CYBC1: variants seen among roughly 807,000 people sequenced by gnomAD.
CYBC1 encodes the protein cytochrome b-245 chaperone 1.
A neutral mutation model predicts 21.7 loss-of-function variants in CYBC1; 22 were observed. The observed-to-expected ratio is 1.02, with a 90% CI of 0.73 to 1.45. The LOEUF is 1.45. Ranked by LOEUF, CYBC1 falls within the 40% of genes most tolerant of loss-of-function variation. CYBC1 has a pLI of 0.00. For synonymous variants in CYBC1, 112 were observed against 98.7 expected (o/e 1.13, Z -0.80); for missense variants, 237 against 242.1 (o/e 0.98, Z 0.14).
chr17:82,446,547 C>T (rs2143723078), intron 4 of CYBC1, 76 bp downstream of exon 4: 1 of 1,458,874 alleles, frequency 6.9e-7, no homozygotes. Context: ...GCCCTTCCTC[C>T]TCCTTTCATT....
At position 82,449,360 on chromosome 17, in the gene CYBC1, C is replaced by T. The variant is rs562977049; in HGVS notation, c.-38-68G>A. The T allele has an allele frequency of 6.0e-4, 479 of 803,960 alleles. 1 individual carries two copies. Among genetic ancestry groups the T allele is most frequent in the Non-Finnish European group, 6.6e-4 (365 of 550,972 alleles). 49.8% of individuals were successfully genotyped at this position (803,960 alleles called of 1,614,324 possible). A position where few individuals can be genotyped will look rare whatever the true frequency, so the allele number is the denominator to read the frequency against. Reference sequence around the variant, plus strand: ...AGGCAGGCGCCCACGCCATCAGGCCCAGTCTGGAGGCCAAGAGCAGGTCCC... The same window carrying T: ...AGGCAGGCGCCCACGCCATCAGGCCTAGTCTGGAGGCCAAGAGCAGGTCCC... On this transcript the variant is annotated intron_variant, in intron 1 of 6. Coordinates refer to ENST00000306645, the MANE Select transcript of CYBC1 (RefSeq NM_001033046.4).
intron 3 of CYBC1, 96 bp downstream of exon 3, chr17:82,447,483 GC>G: frequency 1.1e-6 from 1 of 873,666 alleles, no homozygotes; most frequent in South Asian, 1.4e-5. Context: ...CCTAAAGGCC[GC>G]CCCATGGACA....
At chr17:82,445,207 C>T (rs947265103) in intron 5 of CYBC1, 23 of 154,220 alleles carry the variant, frequency 1.5e-4, no homozygotes, top group African/African-American at 4.6e-4. Context: ...CCCTCTGGGG[C>T]TATGCATGGG....
Position 82,449,308 on chromosome 17 carries a change from G to T in CYBC1, c.-38-16C>A. The T allele has an allele frequency of 7.0e-7, 1 of 1,426,640 alleles. No homozygotes were observed. Among genetic ancestry groups the T allele is most frequent in the Non-Finnish European group, 9.4e-7 (1 of 1,067,106 alleles). The allele number at this position is 1,426,640 out of a possible 1,614,324, so 88.4% of individuals were successfully genotyped here. A position where few individuals can be genotyped will look rare whatever the true frequency, so the allele number is the denominator to read the frequency against. On this transcript the variant is annotated splice_polypyrimidine_tract_variant and intron_variant, in intron 1 of 6. Transcript: ENST00000306645. Reference sequence around the variant, plus strand: ...GAGGAGGGGTCTGGGAACAGACAGAGGCAGCTGAGCCCTTGGGCCTGCACA... The same window carrying T: ...GAGGAGGGGTCTGGGAACAGACAGATGCAGCTGAGCCCTTGGGCCTGCACA...
At position 82,450,684 on chromosome 17, in the gene CYBC1, C is replaced by G. The variant is rs993407588; in HGVS notation, c.-39+16G>C. 2.6e-5 allele frequency: 4 copies of G among 152,326 alleles called. No homozygotes were observed. The highest frequency in any genetic ancestry group is 5.9e-5 in the Non-Finnish European group (4 of 68,152). The allele number at this position is 152,326 out of a possible 1,614,324, so 9.4% of individuals were successfully genotyped here. A position where few individuals can be genotyped will look rare whatever the true frequency, so the allele number is the denominator to read the frequency against. The stretch of plus-strand genomic sequence containing the variant: ...GCGGGAAGGAAGTGCGGAGCCCACC[C>G]AGCCCAGCCGCCTACCGAGAGCACA... On this transcript the variant is annotated intron_variant, in intron 1 of 6. Transcript: ENST00000306645.
chr17:82,447,562 G>A lies in CYBC1; in HGVS notation c.127+18C>T. 1 of 1,577,384 alleles carries A rather than the reference G, an allele frequency of 6.3e-7. No individual in the cohort carries two copies. Among genetic ancestry groups the A allele is most frequent in the Non-Finnish European group, 8.6e-7 (1 of 1,156,478 alleles). ...CAGCTGAGACAGTCATGGGGGGGTG[G>A]GGCGGGGGGTGCTTTACCTCCGCTG... On this transcript the variant is annotated intron_variant, in intron 3 of 6. Transcript: ENST00000306645.
chr17:82,450,500 CG>C (rs1318871698), intron 1 of CYBC1, 199 bp downstream of exon 1: 1 of 152,172 alleles, frequency 6.6e-6, no homozygotes, highest in Non-Finnish European at 1.5e-5. Context: ...TTTCTTTGTC[CG>C]GATCGGGGGC....
chr17:82,444,228 T>A, intron 6 of CYBC1, 104 bp from the exon 7 acceptor site: 1 of 1,509,506 alleles, frequency 6.6e-7, no homozygotes, highest in Non-Finnish European at 8.9e-7. Flanking sequence ...CCGCAGACCC[T>A]GGAGCTCCCA....
intron 2 of CYBC1, 125 bp downstream of exon 2, chr17:82,449,045 A>T: frequency 2.6e-6 from 2 of 777,928 alleles, no homozygotes; most frequent in South Asian, 3.5e-5. Context: ...GGATACAAAG[A>T]AACAAAATAG....
chr17:82,446,479 C>T (rs1483514093), intron 4 of CYBC1, 144 bp downstream of exon 4: 10 of 731,800 alleles, frequency 1.4e-5, no homozygotes, highest in African/African-American at 3.5e-5. Context: ...TCCTGATGAA[C>T]GGAGACCTCC....
chr17:82,447,040 CA>C, intron 3 of CYBC1: 5 of 395,758 alleles, frequency 1.3e-5, no homozygotes, highest in South Asian at 5.8e-5. Flanking sequence ...TTTGATGACC[CA>C]AAAACACAGA....
intron 2 of CYBC1, 43 bp downstream of exon 2, chr17:82,449,126 GC>G (rs2054451381): frequency 7.1e-7 from 1 of 1,412,390 alleles, no homozygotes; most frequent in Non-Finnish European, 9.6e-7. Flanking sequence ...TGAAAGTCAG[GC>G]TTCCGGTTCT....
Position 82,449,246 on chromosome 17 carries a change from C to T in CYBC1, c.9G>A (p.Leu3=). 6 of 1,569,992 alleles carry T rather than the reference C, an allele frequency of 3.8e-6. No homozygotes were observed. The highest frequency in any genetic ancestry group is 5.2e-6 in the Non-Finnish European group (6 of 1,158,618). The stretch of plus-strand genomic sequence containing the variant: ...GGGAGCTGGTGCGGGTCTCCACCTG[C>T]AGGTACATCCCGAGAGGGCAGCACC... The part of the protein sequence containing the change: MY[L]QVETRTSSRL... The change falls in exon 2 of 7, where the codon CTG becomes CTA. Residue 3 remains leucine (L), a synonymous_variant. Coordinates refer to ENST00000306645, the MANE Select transcript of CYBC1 (RefSeq NM_001033046.4).
At chr17:82,446,759 C>T (rs2054318693) in intron 3 of CYBC1, 63 bp from the exon 4 acceptor site, 1 of 1,506,800 alleles carries the variant, frequency 6.6e-7, no homozygotes, top group Non-Finnish European at 9.2e-7. Flanking sequence ...GAGGCCCCGC[C>T]TAGCACAGCC....
chr17:82,445,864 C>T lies in CYBC1; in HGVS notation c.298G>A (p.Val100Met). ...TGTCCCCACGCTCCCCACGACTCAC[C>T]CTGGTCGTGGCCAGCTCTGAAAAGA... ...LTLFRAGHDQVVVLLHDVRDV... is the reference protein window; with the variant it reads ...LTLFRAGHDQMVVLLHDVRDV... The change falls in exon 5 of 7, where the codon GTG (valine) becomes ATG (methionine). Residue 100 changes from valine (V) to methionine (M), a missense_variant and splice_region_variant. Coordinates refer to ENST00000306645, the MANE Select transcript of CYBC1 (RefSeq NM_001033046.4). 1 of 1,607,584 alleles carries T rather than the reference C, an allele frequency of 6.2e-7. No homozygotes were observed. Among genetic ancestry groups the T allele is most frequent in the Non-Finnish European group, 8.5e-7 (1 of 1,176,416 alleles).
chr17:82,444,492 C>A lies in CYBC1; in HGVS notation c.398G>T (p.Gly133Val). ...ACTCTGCGTGAGGGGGTGGGAGAAGCCCGTCGCAAGCCGGAGCACCACCAT... is the reference window on the plus strand; with the variant it reads ...ACTCTGCGTGAGGGGGTGGGAGAAGACCGTCGCAAGCCGGAGCACCACCAT... ...GYMVVLRLAT[G>V]FSHPLTQSAV... Residue 133 changes from glycine (G) to valine (V), a missense_variant, in exon 6 of 7, where the codon GGC becomes GTC. Transcript: ENST00000306645. 4 of 1,613,862 alleles carry A rather than the reference C, an allele frequency of 2.5e-6. No homozygotes were observed. The highest frequency in any genetic ancestry group is 3.4e-6 in the Non-Finnish European group (4 of 1,179,870).
Position 82,449,181 on chromosome 17 carries a change from G to T in CYBC1, c.74C>A (p.Ser25Tyr). ...GTGGAGAGCCTTACCAACCAGCAGG[G>T]ACCAGGACCGGATGCCTGGAGCCCT... Reference protein sequence around the residue: ...LKRAPGIRSWSLLVGILSIGL... With the variant: ...LKRAPGIRSWYLLVGILSIGL... Residue 25 changes from serine (S) to tyrosine (Y), a missense_variant, in exon 2 of 7, where the codon TCC (serine) becomes TAC (tyrosine). By Grantham distance (144) the Ser-to-Tyr change is moderately radical (BLOSUM62 -2). Coordinates refer to ENST00000306645, the MANE Select transcript of CYBC1 (RefSeq NM_001033046.4). 1.3e-6 allele frequency: 2 copies of T among 1,577,924 alleles called. No individual in the cohort carries two copies. The highest frequency in any genetic ancestry group is 1.7e-6 in the Non-Finnish European group (2 of 1,162,548).
intron 2 of CYBC1, 155 bp downstream of exon 2, chr17:82,449,015 A>G (rs2054443908): frequency 3.2e-6 from 2 of 629,724 alleles, no homozygotes; most frequent in Admixed American, 3.2e-5. Context: ...AAAACCAAGT[A>G]CACCAGATAG....
At chr17:82,446,944 G>T (rs1046590012) in intron 3 of CYBC1, 2 of 567,014 alleles carry the variant, frequency 3.5e-6, no homozygotes, top group African/African-American at 3.8e-5. Flanking sequence ...GCCCGTCTGG[G>T]CAGGCCCAGT....
Sources: gnomAD v4.1 joint callset for allele counts on GRCh38, gnomAD v4.1.1 for gene constraint, MANE v1.5 for transcripts, NCBI Gene and HGNC (gene_info 2026-07-23, HGNC 2026-07-21) for gene names.